FAT3: variants seen among roughly 807,000 people sequenced by gnomAD.
FAT3 encodes protocadherin Fat 3.
In FAT3, 95 loss-of-function variants were observed where a neutral mutation model predicts 310.2. The ratio of observed to expected loss-of-function variants is 0.31; its 90% CI spans 0.26 to 0.36. The LOEUF (loss-of-function observed/expected upper bound fraction) is 0.36. FAT3 is among the 10% of genes least tolerant of loss of function. FAT3 has a pLI of 1.00. For missense variants in FAT3, 5,408 were observed against 5,715.6 expected (o/e 0.95, Z 1.74); for synonymous variants, 2,314 against 2,192.9 (o/e 1.06, Z -1.54).
chr11:92,695,637 A>G (rs975392371), intron 3 of FAT3, among the ~76,000 whole-genome samples: 2 of 152,198 alleles, frequency 1.3e-5, no homozygotes, highest in African/African-American at 4.8e-5. Flanking sequence ...TTCCAGAGCA[A>G]CTTTTCATTA....
chr11:92,306,574 TTA>T (rs1357435054), intron 1 of FAT3, among the ~76,000 whole-genome samples: 9 of 126,090 alleles, frequency 7.1e-5, no homozygotes, highest in South Asian at 2.2e-4. Context: ...ATATTATATA[TTA>T]TATATATTTA....
At chr11:92,366,154 G>C (rs1338236125) in intron 2 of FAT3, among the ~76,000 whole-genome samples, 1 of 152,052 alleles carries the variant, frequency 6.6e-6, no homozygotes, top group Non-Finnish European at 1.5e-5. Context: ...TCTCCTTATT[G>C]GTCATGGCTT....
At chr11:92,829,601 A>G (rs1376605990) in intron 13 of FAT3, among the ~76,000 whole-genome samples, 1 of 152,154 alleles carries the variant, frequency 6.6e-6, no homozygotes, top group Non-Finnish European at 1.5e-5. Context: ...TGAAGAATTT[A>G]ATCTTGCAGC....
At position 92,883,041 on chromosome 11, in the gene FAT3, G is replaced by A. The variant is rs764033070; in HGVS notation, c.12585G>A (p.Pro4195=). Residue 4195 remains proline, a synonymous_variant, in exon 24 of 28, where the codon CCG becomes CCA. Coordinates refer to ENST00000525166, the MANE Select transcript of FAT3 (RefSeq NM_001367949.2). This position sits in a 1 kb window ranked among gnomAD's most constrained non-coding sequence, Gnocchi z 4.2. ...ACAACATCACGCTAGTGCAGGACCC[G>A]GCCACCGCCGCCCTGCTTAACAAGA... ...SRNNITLVQD[P]ATAALLNKSN... is the part of the protein sequence containing the mutation. 5.0e-6 allele frequency: 8 copies of A among 1,613,880 alleles called. No homozygotes were observed. The highest frequency in any genetic ancestry group is 2.2e-5 in the East Asian group (1 of 44,868).
At chr11:92,746,317 G>T (rs1297613034) in intron 4 of FAT3, among the ~76,000 whole-genome samples, 1 of 152,184 alleles carries the variant, frequency 6.6e-6, no homozygotes, top group Non-Finnish European at 1.5e-5. Flanking sequence ...GTCTTACATG[G>T]CAGCAGGCTA....
intron 3 of FAT3, among the ~76,000 whole-genome samples, chr11:92,559,898 TATTAGAA>T (rs1273497112): frequency 2.0e-5 from 3 of 152,244 alleles, no homozygotes; most frequent in African/African-American, 7.2e-5. Flanking sequence ...GTCTTTTGAC[TATTAGAA>T]ACAAGGATAT....
intron 14 of FAT3, among the ~76,000 whole-genome samples, chr11:92,832,398 T>G (rs1414429620): frequency 6.6e-6 from 1 of 151,968 alleles, no homozygotes; most frequent in East Asian, 1.9e-4. Context: ...GAAAACACTC[T>G]GCCAGCCCTT....
chr11:92,519,385 C>G (rs1953607759), intron 2 of FAT3, among the ~76,000 whole-genome samples: 2 of 151,948 alleles, frequency 1.3e-5, no homozygotes, highest in South Asian at 4.1e-4. Flanking sequence ...AAAGAAAACT[C>G]AAAATGGATC....
chr11:92,492,247 C>T (rs1952623503), intron 2 of FAT3, among the ~76,000 whole-genome samples: 1 of 128,294 alleles, frequency 7.8e-6, no homozygotes, highest in African/African-American at 4.5e-5. Context: ...ATATTTCCAT[C>T]CATCCATCCA....
intron 2 of FAT3, among the ~76,000 whole-genome samples, chr11:92,492,090 C>T (rs371795824): frequency 5.3e-5 from 8 of 152,056 alleles, no homozygotes; most frequent in African/African-American, 1.7e-4. Context: ...CCAGCCAAAG[C>T]AATTTGCTAG....
rs146416123 is a variant in FAT3 at position 92,849,944 on chromosome 11, G to A, written c.11365+5212G>A. Among the ~76,000 whole-genome samples, 10 of 152,264 alleles carry A rather than the reference G, an allele frequency of 6.6e-5. No individual in the cohort carries two copies. In the East Asian group the frequency reaches 1.4e-3, roughly 21 times the overall value. On this transcript the variant is annotated intron_variant, in intron 19 of 27. Transcript: ENST00000525166. ...TGGTAAGAAGTCAGGACAGTCCTTC[G>A]GAGGGATAAGGTAGGATAGGTAAAG...
rs2136349367 is a variant in FAT3, at chr11:92,866,935, C to T, written c.11853C>T (p.Ser3951=). 6.2e-7 allele frequency: 1 copy of T among 1,613,854 alleles called. No homozygotes were observed. The highest frequency in any genetic ancestry group is 8.5e-7 in the Non-Finnish European group (1 of 1,179,858). The change falls in exon 22 of 28, where the codon AGC becomes AGT. Residue 3951 remains serine, a synonymous_variant. Coordinates refer to ENST00000525166, the MANE Select transcript of FAT3 (RefSeq NM_001367949.2). ...RRAPLYFQTL[S]TESSIYFGAL... is the part of the protein sequence containing the mutation. ...CGCCCCTCTACTTCCAGACGCTGAG[C>T]ACTGAGAGTAGCATCTACTTCGGCG...
chr11:92,406,856 G>T (rs1365226011), intron 2 of FAT3: 1 of 152,174 alleles, frequency 6.6e-6, no homozygotes, highest in Non-Finnish European at 1.5e-5. Context: ...ATCCTAGCAG[G>T]CAAACACTAG....
chr11:92,544,855 T>C (rs1189155734), intron 3 of FAT3, among the ~76,000 whole-genome samples: 4 of 152,194 alleles, frequency 2.6e-5, no homozygotes, highest in African/African-American at 9.6e-5. Flanking sequence ...AAGATACTAG[T>C]GCTCTAACAG....
At chr11:92,795,862 T>G (rs1003877878) in intron 9 of FAT3, among the ~76,000 whole-genome samples, 1 of 151,926 alleles carries the variant, frequency 6.6e-6, no homozygotes. Flanking sequence ...GAGCCAAGAT[T>G]GCACCACTGC....
intron 4 of FAT3, among the ~76,000 whole-genome samples, chr11:92,710,698 C>G (rs1944494135): frequency 6.6e-6 from 1 of 152,212 alleles, no homozygotes; most frequent in African/African-American, 2.4e-5. Flanking sequence ...ACAAATATCT[C>G]TGCGCAAGGC....
chr11:92,321,131 A>C (rs1947604254), intron 1 of FAT3, among the ~76,000 whole-genome samples: 1 of 151,974 alleles, frequency 6.6e-6, no homozygotes, highest in Non-Finnish European at 1.5e-5. Context: ...AGAATGAAGG[A>C]TCTTATTTAT....
intron 4 of FAT3, among the ~76,000 whole-genome samples, chr11:92,737,234 T>C (rs1279162633): frequency 6.6e-6 from 1 of 152,208 alleles, no homozygotes; most frequent in East Asian, 1.9e-4. Context: ...CCTAGTCTGC[T>C]GATTACACTG....
At position 92,801,683 on chromosome 11, in the gene FAT3, C is replaced by T. The variant is rs1392613826; in HGVS notation, c.8670C>T (p.Thr2890=). The change falls in exon 10 of 28, where the codon ACC becomes ACT. Residue 2890 remains threonine (T), a synonymous_variant. Transcript: ENST00000525166. ...ATCACGAGACAGACCCCACATTCAC[C>T]TTCTCTGTGGTGGCCTCTGACCTTG... ...DLDHETDPTF[T]FSVVASDLGE... 9 of 1,613,834 alleles carry T rather than the reference C, an allele frequency of 5.6e-6. No homozygotes were observed. Among genetic ancestry groups the T allele is most frequent in the Admixed American group, 3.3e-5 (2 of 60,010 alleles).
Sources: gnomAD v4.1 joint callset for allele counts (sites outside exome capture counted in the v4.1 genomes callset) on GRCh38, gnomAD v4.1.1 for gene constraint, Gnocchi (gnomAD v3.1) non-coding constraint, MANE v1.5 for transcripts, NCBI Gene and HGNC (gene_info 2026-07-23, HGNC 2026-07-21) for gene names.